ADCY8: variants seen among roughly 807,000 people sequenced by gnomAD.
The protein encoded by ADCY8 is adenylate cyclase type 8.
Under a neutral mutation model 119.7 loss-of-function variants are expected in ADCY8, and 51 were observed. The observed-to-expected ratio is 0.43, with a 90% confidence interval of 0.34 to 0.54. The LOEUF (loss-of-function observed/expected upper bound fraction) is 0.54. Among genes scored for constraint, ADCY8 ranks in the 20% least tolerant of loss-of-function variants. ADCY8 has a pLI of 0.03. For synonymous variants in ADCY8, 665 were observed against 651.0 expected, an observed-to-expected ratio of 1.02 and a Z score of -0.33; for missense variants, 1,383 against 1,598.8, an observed-to-expected ratio of 0.87 and a Z score of 2.30.
chr8:130,980,304 G>A (rs1329401868), intron 2 of ADCY8, among the ~76,000 whole-genome samples: 5 of 152,110 alleles, frequency 3.3e-5, no homozygotes, highest in South Asian at 2.1e-4. Flanking sequence ...TTTGAGGTTC[G>A]GGGGAACATG....
chr8:131,029,824 C>G (rs1337180601), intron 1 of ADCY8, among the ~76,000 whole-genome samples: 2 of 130,096 alleles, frequency 1.5e-5, no homozygotes, highest in African/African-American at 6.1e-5. Flanking sequence ...TTTTCATTCC[C>G]TGTTGATGAT....
chr8:130,783,973 C>T (rs868651897), intron 16 of ADCY8, among the ~76,000 whole-genome samples, 168 bp from the exon 17 acceptor site: 3 of 152,176 alleles, frequency 2.0e-5, no homozygotes, highest in African/African-American at 7.2e-5. Flanking sequence ...TATCTCAGAA[C>T]ATGGGAAGAC....
Position 130,884,742 on chromosome 8 carries a change from C to T in ADCY8, c.1931G>A (p.Arg644Lys). ...GKQNTLAALT[R>K]NSINLLPNHL... Reference sequence around the variant, plus strand: ...GTTTGGAAGCAGATTTATTGAATTTCTTGTTAGGGCAGCCAGAGTCTAGGG... The same window carrying T: ...GTTTGGAAGCAGATTTATTGAATTTTTTGTTAGGGCAGCCAGAGTCTAGGG... Residue 644 changes from arginine to lysine, a missense_variant, in exon 8 of 18, where the codon AGA becomes AAA. By Grantham distance (26) the Arg-to-Lys change is conservative. Transcript: ENST00000286355. 1 of 1,613,842 alleles carries T rather than the reference C, an allele frequency of 6.2e-7. No individual in the cohort carries two copies. Among genetic ancestry groups the T allele is most frequent in the Non-Finnish European group, 8.5e-7 (1 of 1,179,780 alleles).
At chr8:130,947,065 A>T (rs564103086) in intron 3 of ADCY8, among the ~76,000 whole-genome samples, 2 of 152,340 alleles carry the variant, frequency 1.3e-5, no homozygotes, top group East Asian at 3.9e-4. Context: ...GTAGCTTTCC[A>T]GGATGAATAT....
chr8:130,971,365 T>C (rs1229515761), intron 2 of ADCY8, among the ~76,000 whole-genome samples: 1 of 152,174 alleles, frequency 6.6e-6, no homozygotes, highest in Admixed American at 6.5e-5. Context: ...GAACATGATA[T>C]TGATACACAT....
chr8:130,948,170 T>G (rs916923302), intron 3 of ADCY8, among the ~76,000 whole-genome samples: 1 of 152,152 alleles, frequency 6.6e-6, no homozygotes, highest in African/African-American at 2.4e-5. Context: ...AGTGAACACT[T>G]GCATGAATAA....
At chr8:131,033,703 G>C (rs769404135) in intron 1 of ADCY8, among the ~76,000 whole-genome samples, 7 of 151,794 alleles carry the variant, frequency 4.6e-5, no homozygotes, top group Non-Finnish European at 8.8e-5. Context: ...GGATTTAATT[G>C]GTCATTTCAG....
chr8:130,993,638 T>C (rs1165496934), intron 1 of ADCY8, among the ~76,000 whole-genome samples: 1 of 152,196 alleles, frequency 6.6e-6, no homozygotes, highest in Non-Finnish European at 1.5e-5. Context: ...CTGATGGTTT[T>C]ATGAGAGATT....
intron 14 of ADCY8, among the ~76,000 whole-genome samples, chr8:130,806,465 G>GCCC (rs1815961854): frequency 2.6e-5 from 4 of 152,184 alleles, no homozygotes; most frequent in Admixed American, 6.5e-5. Flanking sequence ...TTCAGGAAGG[G>GCCC]TTAACTGATA....
At chr8:130,966,946 G>T (rs1821779968) in intron 2 of ADCY8, among the ~76,000 whole-genome samples, 1 of 151,976 alleles carries the variant, frequency 6.6e-6, no homozygotes, top group South Asian at 2.1e-4. Context: ...ATTGTATATT[G>T]GTGCTAAAGC....
chr8:130,796,987 T>C lies in ADCY8; in HGVS notation c.3060+3439A>G, dbSNP rs1389316603. Among the ~76,000 whole-genome samples the C allele has an allele frequency of 2.0e-5, 3 of 152,342 alleles. No individual in the cohort carries two copies. The South Asian group carries it at 6.2e-4, about 32-fold the overall frequency. On this transcript the variant is annotated intron_variant, in intron 15 of 17. Coordinates refer to ENST00000286355, the MANE Select transcript of ADCY8 (RefSeq NM_001115.3). The stretch of plus-strand genomic sequence containing the variant: ...ATTTCAATCACTAGGGGCACTGCCC[T>C]CTTTCTCCGCTTTCCAAGACTCTAG...
At chr8:130,798,370 C>A (rs1586423410) in intron 15 of ADCY8, among the ~76,000 whole-genome samples, 2 of 152,284 alleles carry the variant, frequency 1.3e-5, no homozygotes, top group Middle Eastern at 6.8e-3. Flanking sequence ...TGAATGTTAG[C>A]TTTTCAGCTG....
At chr8:130,781,064 C>T (rs1815065056) in intron 17 of ADCY8, among the ~76,000 whole-genome samples, 187 bp from the exon 18 acceptor site, 1 of 152,126 alleles carries the variant, frequency 6.6e-6, no homozygotes, top group South Asian at 2.1e-4. Flanking sequence ...ATTTGGACCT[C>T]ACTTTTCTCA....
At chr8:130,852,129 C>T (rs554150673) in intron 9 of ADCY8, among the ~76,000 whole-genome samples, 5 of 152,278 alleles carry the variant, frequency 3.3e-5, no homozygotes, top group South Asian at 2.1e-4. Context: ...GGCATCATGG[C>T]AGCAGGGGGG....
intron 1 of ADCY8, among the ~76,000 whole-genome samples, chr8:131,031,048 C>T (rs1823981359): frequency 1.3e-5 from 2 of 152,162 alleles, no homozygotes; most frequent in African/African-American, 4.8e-5. Context: ...AGCTGTGCAA[C>T]AATCCATCAG....
rs144388070 is a variant in ADCY8 at position 130,993,075 on chromosome 8, T to C, written c.961-2533A>G. Reference sequence around the variant, plus strand: ...TCACATTAGATAAAAAGAAATATTATATGTCCTATTTGTAAAATATAGTCC... The same window carrying C: ...TCACATTAGATAAAAAGAAATATTACATGTCCTATTTGTAAAATATAGTCC... On this transcript the variant is annotated intron_variant, in intron 1 of 17. Coordinates refer to ENST00000286355, the MANE Select transcript of ADCY8 (RefSeq NM_001115.3). Among the ~76,000 whole-genome samples, 355 of 152,292 alleles carry C rather than the reference T, an allele frequency of 2.3e-3. 3 individuals are homozygous for C. The highest frequency in any genetic ancestry group is 3.8e-3 in the Non-Finnish European group (259 of 68,020).
intron 2 of ADCY8, among the ~76,000 whole-genome samples, chr8:130,967,171 T>C (rs1449852980): frequency 6.6e-6 from 1 of 152,238 alleles, no homozygotes; most frequent in Non-Finnish European, 1.5e-5. Context: ...TAAAAGCCAA[T>C]TGTGAGCATA....
chr8:130,924,714 C>G (rs1820411174), intron 5 of ADCY8, among the ~76,000 whole-genome samples: 1 of 152,160 alleles, frequency 6.6e-6, no homozygotes, highest in African/African-American at 2.4e-5. Flanking sequence ...TTAGGACAAA[C>G]CTGTCTAGCT....
At chr8:130,921,455 T>TC (rs1820303663) in intron 5 of ADCY8, among the ~76,000 whole-genome samples, 1 of 148,954 alleles carries the variant, frequency 6.7e-6, no homozygotes. Context: ...TTTTCTTTTT[T>TC]TTTTTTTTTT....
Sources: allele counts gnomAD v4.1 joint callset (sites outside exome capture counted in the v4.1 genomes callset), GRCh38; gene constraint gnomAD v4.1.1; transcripts MANE v1.5; gene names NCBI Gene and HGNC (gene_info 2026-07-23, HGNC 2026-07-21).